Variants in MYO6 observed in about 807,000 individuals in gnomAD.
MYO6 encodes the protein myosin VI, also known as unconventional myosin-VI.
MYO6 carries 74 observed loss-of-function variants against 178.7 expected under a neutral mutation model. The observed-to-expected ratio is 0.41, with a 90% CI of 0.34 to 0.50. MYO6 has a LOEUF of 0.50. Among genes scored for constraint, MYO6 ranks in the 20% least tolerant of loss-of-function variants. The pLI is 0.09. For synonymous variants in MYO6, 477 were observed against 504.6 expected, an observed-to-expected ratio of 0.95 and a Z score of 0.73; for missense variants, 1,330 against 1,547.4, an observed-to-expected ratio of 0.86 and a Z score of 2.36.
Position 75,907,671 on chromosome 6 carries a change from A to G in MYO6, c.3243A>G (p.Lys1081=). ...GTKKYDLSKW[K]YAELRDTINT... ...AGAAATATGATCTTAGTAAATGGAA[A>G]TATGCAGAACTACGTGATACCATCA... is the stretch of plus-strand genomic sequence containing the variant. The change falls in exon 31 of 35, where the codon AAA becomes AAG. Residue 1081 remains lysine, a synonymous_variant. Transcript: ENST00000369977. The G allele has an allele frequency of 6.2e-7, 1 of 1,613,698 alleles. No individual in the cohort carries two copies. Among genetic ancestry groups the G allele is most frequent in the Non-Finnish European group, 8.5e-7 (1 of 1,179,882 alleles).
Position 75,914,150 on chromosome 6 carries a change from T to C in MYO6, c.3527T>C (p.Ile1176Thr). ...RQQRFFRIPF[I>T]RPADQYKDPQ... ...CAACGCTTCTTCCGCATCCCATTCATCCGCCCTGCCGACCAGTACAAAGAC... is the reference window on the plus strand; with the variant it reads ...CAACGCTTCTTCCGCATCCCATTCACCCGCCCTGCCGACCAGTACAAAGAC... Residue 1176 changes from isoleucine (I) to threonine (T), a missense_variant, in exon 34 of 35, where the codon ATC (isoleucine) becomes ACC (threonine). By Grantham distance (89) the Ile-to-Thr change is moderately conservative. This residue lies in a region of MYO6 where 601 missense variants were observed against 626.1 expected (regional missense o/e 0.96). Transcript: ENST00000369977. 2 of 1,614,122 alleles carry C rather than the reference T, an allele frequency of 1.2e-6. No individual in the cohort carries two copies. Among genetic ancestry groups the C allele is most frequent in the Non-Finnish European group, 1.7e-6 (2 of 1,180,016 alleles).
chr6:75,854,091 G>C (rs1775522589), intron 11 of MYO6, among the ~76,000 whole-genome samples: 1 of 152,066 alleles, frequency 6.6e-6, no homozygotes, highest in African/African-American at 2.4e-5. Context: ...CTTATAAATA[G>C]AAATCTGTAG....
rs577826775 is a variant in MYO6, at chr6:75,863,516, G to A, written c.1674+793G>A. ...TCTTTTTTTTTTGAGACAGAGTTTC[G>A]CTATTGTCACCCAGGCTGGAGTGCA... On this transcript the variant is annotated intron_variant, in intron 16 of 34. Coordinates refer to ENST00000369977, the MANE Select transcript of MYO6 (RefSeq NM_004999.4). Among the ~76,000 whole-genome samples the A allele has an allele frequency of 1.1e-4, 16 of 151,532 alleles. 1 individual carries two copies. In the South Asian group the frequency reaches 1.9e-3, roughly 18 times the overall value.
chr6:75,818,475 C>A (rs1771515384), intron 2 of MYO6, among the ~76,000 whole-genome samples: 1 of 152,118 alleles, frequency 6.6e-6, no homozygotes, highest in Admixed American at 6.5e-5. Context: ...ATATCTTATT[C>A]CCATGATAGA....
chr6:75,751,863 C>T (rs559574434), intron 1 of MYO6, among the ~76,000 whole-genome samples: 126 of 152,248 alleles, frequency 8.3e-4, no homozygotes, highest in African/African-American at 2.9e-3. Context: ...GTTGAGACTC[C>T]ATTTTTGACA....
At chr6:75,901,021 T>G (rs1779730047) in intron 30 of MYO6, among the ~76,000 whole-genome samples, 1 of 152,002 alleles carries the variant, frequency 6.6e-6, no homozygotes, top group African/African-American at 2.4e-5. Context: ...TTTTCTCAGG[T>G]TTGTCAAAGA....
intron 1 of MYO6, among the ~76,000 whole-genome samples, chr6:75,761,821 A>G (rs576757316): frequency 2.0e-5 from 3 of 150,992 alleles, no homozygotes; most frequent in African/African-American, 7.4e-5. Flanking sequence ...GTAGGTCAGC[A>G]TGATTGAACA....
intron 13 of MYO6, 108 bp from the exon 14 acceptor site, chr6:75,858,794 T>G: frequency 1.4e-6 from 1 of 710,684 alleles, no homozygotes; most frequent in Admixed American, 2.4e-5. Flanking sequence ...ATATACAAAT[T>G]TAACCTAATT....
intron 20 of MYO6, among the ~76,000 whole-genome samples, chr6:75,876,846 C>T (rs1777604874): frequency 6.6e-6 from 1 of 151,862 alleles, no homozygotes; most frequent in Non-Finnish European, 1.5e-5. Context: ...TGCAAAAATC[C>T]ATAAGTTGTA....
chr6:75,774,167 G>T (rs970507747), intron 1 of MYO6, among the ~76,000 whole-genome samples: 12 of 152,026 alleles, frequency 7.9e-5, no homozygotes, highest in African/African-American at 2.2e-4. Flanking sequence ...AAAGCAAATA[G>T]TTTTTTGAGA....
At chr6:75,798,545 A>G (rs1346412463) in intron 1 of MYO6, among the ~76,000 whole-genome samples, 1 of 152,246 alleles carries the variant, frequency 6.6e-6, no homozygotes, top group African/African-American at 2.4e-5. Context: ...ATAGAGGCAG[A>G]AAAAGCTTTC....
chr6:75,865,910 A>G (rs1776625096), intron 16 of MYO6, among the ~76,000 whole-genome samples: 1 of 152,096 alleles, frequency 6.6e-6, no homozygotes, highest in Non-Finnish European at 1.5e-5. Flanking sequence ...GCACATGGAA[A>G]TGATTTGATA....
chr6:75,887,344 A>C (rs1234464194), intron 25 of MYO6, among the ~76,000 whole-genome samples: 1 of 152,146 alleles, frequency 6.6e-6, no homozygotes, highest in Non-Finnish European at 1.5e-5. Context: ...CATCCCTGAA[A>C]TTAAAATAAA....
chr6:75,858,354 C>T (rs1461189416), intron 13 of MYO6, among the ~76,000 whole-genome samples: 2 of 152,062 alleles, frequency 1.3e-5, no homozygotes, highest in Admixed American at 1.3e-4. Flanking sequence ...GCCTGTAATC[C>T]CAACATTTTG....
chr6:75,865,586 A>G (rs1160683923), intron 16 of MYO6, among the ~76,000 whole-genome samples: 1 of 151,576 alleles, frequency 6.6e-6, no homozygotes, highest in Non-Finnish European at 1.5e-5. Context: ...GCTGGTCTCA[A>G]ACTCCTGAAC....
At chr6:75,878,388 T>G (rs9359144) in intron 20 of MYO6, among the ~76,000 whole-genome samples, 19,776 of 152,204 alleles carry the variant, frequency 0.13, 1,361 homozygotes, top group Non-Finnish European at 0.15. Flanking sequence ...TGCCCACAAG[T>G]GTGAAAAATC....
chr6:75,817,197 C>G (rs914788300), intron 1 of MYO6, among the ~76,000 whole-genome samples: 1 of 151,030 alleles, frequency 6.6e-6, no homozygotes, highest in African/African-American at 2.4e-5. Flanking sequence ...CCCAGCTACT[C>G]GGGAGGCTGA....
In MYO6 at chr6:75,877,037, C is replaced by T. The variant is rs753954566; in HGVS notation, c.2078-2783C>T. 4.0e-5 allele frequency among the ~76,000 whole-genome samples: 6 copies of T among 151,724 alleles called. No individual in the cohort carries two copies. The South Asian group carries it at 6.3e-4, about 16-fold the overall frequency. ...TTGCCTAGGCTGGAGTGCAATGGTG[C>T]GCTCTTGGCTCACCACCGTAAGCTC... On this transcript the variant is annotated intron_variant, in intron 20 of 34. Transcript: ENST00000369977.
chr6:75,844,816 T>C (rs1007649473), intron 9 of MYO6, 81 bp from the exon 10 acceptor site: 1 of 1,123,102 alleles, frequency 8.9e-7, no homozygotes, highest in Non-Finnish European at 1.4e-6. Flanking sequence ...TGGTTGGCAC[T>C]ATTTGGTAAG....
Sources: allele counts gnomAD v4.1 joint callset (sites outside exome capture counted in the v4.1 genomes callset), GRCh38; gene constraint gnomAD v4.1.1; regional missense constraint gnomAD v4.1.1; transcripts MANE v1.5; gene names NCBI Gene and HGNC (gene_info 2026-07-23, HGNC 2026-07-21).